Variants in THSD7B observed in about 807,000 individuals in gnomAD.
The protein encoded by THSD7B is thrombospondin type 1 domain containing 7B.
Under a neutral mutation model 213.6 loss-of-function variants are expected in THSD7B, and 138 were observed. The observed-to-expected ratio is 0.65, with a 90% CI of 0.56 to 0.74. The LOEUF (loss-of-function observed/expected upper bound fraction) is 0.74, where lower values mean the gene tolerates loss of function less well. THSD7B is among the 30% of genes least tolerant of loss of function. The pLI is 0.00. For missense variants in THSD7B, 1,931 were observed against 1,991.5 expected, an observed-to-expected ratio of 0.97 and a Z score of 0.58; for synonymous variants, 742 against 687.0, an observed-to-expected ratio of 1.08 and a Z score of -1.25.
At chr2:137,110,648 C>A (rs138487223) in intron 4 of THSD7B, among the ~76,000 whole-genome samples, 158 of 152,222 alleles carry the variant, frequency 1.0e-3, no homozygotes, top group African/African-American at 3.6e-3. Context: ...AAAAGACATT[C>A]TTTTTCAAAA....
At chr2:137,502,991 A>AT (rs1160466907) in intron 15 of THSD7B, among the ~76,000 whole-genome samples, 10 of 152,228 alleles carry the variant, frequency 6.6e-5, no homozygotes, top group Admixed American at 3.3e-4. Context: ...ATATTACATA[A>AT]TAACAGGCTG....
intron 2 of THSD7B, among the ~76,000 whole-genome samples, chr2:136,891,963 C>T (rs1282667065): frequency 1.3e-5 from 2 of 152,132 alleles, no homozygotes; most frequent in Non-Finnish European, 2.9e-5. Context: ...AGGGCTTCAT[C>T]ACTCACATAG....
At position 136,880,804 on chromosome 2, in the gene THSD7B, C is replaced by T. The variant is rs189386377; in HGVS notation, c.-35-1340C>T. Among the ~76,000 whole-genome samples the T allele has an allele frequency of 5.5e-4, 84 of 152,256 alleles. 1 individual carries two copies. The highest frequency in any genetic ancestry group is 4.7e-4 in the Non-Finnish European group (32 of 68,016). On this transcript the variant is annotated intron_variant, in intron 1 of 27. Coordinates refer to ENST00000409968, the MANE Select transcript of THSD7B (RefSeq NM_001316349.2). ...TACTGTTTCACTAATTTTCTAACTG[C>T]CCTCAATTTCTCTACCATTGTCTAC...
At position 137,090,820 on chromosome 2, in the gene THSD7B, A is replaced by G. The variant is rs961661953; in HGVS notation, c.951-4053A>G. On this transcript the variant is annotated intron_variant, in intron 3 of 27. Coordinates refer to ENST00000409968, the MANE Select transcript of THSD7B (RefSeq NM_001316349.2). The stretch of plus-strand genomic sequence containing the variant: ...TACACTAAAGGTTACTACAAATCTA[A>G]GGGGTGAGTAAATCACATTTTACTA... Among the ~76,000 whole-genome samples, 18 of 152,234 alleles carry G rather than the reference A, an allele frequency of 1.2e-4. 1 individual carries two copies. Among genetic ancestry groups the G allele is most frequent in the Admixed American group, 1.1e-3 (17 of 15,284 alleles).
chr2:137,429,352 A>T (rs981126290), intron 14 of THSD7B, among the ~76,000 whole-genome samples: 5 of 152,186 alleles, frequency 3.3e-5, no homozygotes, highest in African/African-American at 1.2e-4. Flanking sequence ...TCAATTTAAG[A>T]TCTAATTAGC....
chr2:137,316,514 G>T (rs941787427), intron 12 of THSD7B, among the ~76,000 whole-genome samples: 3 of 152,240 alleles, frequency 2.0e-5, no homozygotes, highest in African/African-American at 4.8e-5. Context: ...GGTGGCTCAC[G>T]CCTGTAATCC....
chr2:137,324,468 A>G (rs1419274099), intron 12 of THSD7B, among the ~76,000 whole-genome samples: 4 of 152,148 alleles, frequency 2.6e-5, no homozygotes, highest in African/African-American at 7.2e-5. Flanking sequence ...TGTGTGTTTT[A>G]TAATTCTTTC....
chr2:137,339,282 GC>G (rs59855414), intron 12 of THSD7B, among the ~76,000 whole-genome samples: 137,827 of 151,912 alleles, frequency 0.91, 63,295 homozygotes, highest in Non-Finnish European at 0.99. Flanking sequence ...AATCACTGGA[GC>G]CAGGTGTGTT....
intron 1 of THSD7B, among the ~76,000 whole-genome samples, chr2:136,864,822 G>C (rs1652437): frequency 0.53 from 81,328 of 152,106 alleles, 22,137 homozygotes; most frequent in Middle Eastern, 0.77. Context: ...AAAGTGTTGG[G>C]ATTACAGGCG....
chr2:137,323,741 AC>A lies in THSD7B; in HGVS notation c.2500+47716del, dbSNP rs1684311068. 2.6e-5 allele frequency among the ~76,000 whole-genome samples: 4 copies of A among 152,222 alleles called. No homozygotes were observed. In the South Asian group the frequency reaches 8.3e-4, roughly 32 times the overall value. ...AATTTGTCTATAAGCCAAACTGGCA[AC>A]AAAAAACTAGGGTGAACTGGTAATT... On this transcript the variant is annotated intron_variant, in intron 12 of 27. Coordinates refer to ENST00000409968, the MANE Select transcript of THSD7B (RefSeq NM_001316349.2).
chr2:137,414,891 A>G (rs1309124332), intron 14 of THSD7B, among the ~76,000 whole-genome samples: 3 of 151,872 alleles, frequency 2.0e-5, no homozygotes, highest in Non-Finnish European at 2.9e-5. Context: ...CCCCATCTCT[A>G]CTAAAAATAC....
intron 15 of THSD7B, among the ~76,000 whole-genome samples, chr2:137,501,837 G>A (rs1041751698): frequency 6.6e-6 from 1 of 152,204 alleles, no homozygotes; most frequent in Non-Finnish European, 1.5e-5. Flanking sequence ...GGTTAATTGT[G>A]AGGGTAGTTA....
At chr2:137,568,197 A>G (rs1409794761) in intron 16 of THSD7B, among the ~76,000 whole-genome samples, 1 of 152,068 alleles carries the variant, frequency 6.6e-6, no homozygotes, top group African/African-American at 2.4e-5. Context: ...AGAGGTAATA[A>G]TTGGGGAGGC....
intron 15 of THSD7B, among the ~76,000 whole-genome samples, chr2:137,545,129 T>G (rs1216792335): frequency 1.3e-5 from 2 of 151,746 alleles, no homozygotes; most frequent in Non-Finnish European, 2.9e-5. Flanking sequence ...ATGAAGAAAA[T>G]GAGACAGTTG....
At chr2:137,587,531 T>C (rs544184151) in intron 17 of THSD7B, among the ~76,000 whole-genome samples, 1 of 152,338 alleles carries the variant, frequency 6.6e-6, no homozygotes, top group East Asian at 1.9e-4. Context: ...ATGTCCTTTC[T>C]GTTTGTTAGT....
At chr2:137,611,077 C>T (rs959131637) in intron 17 of THSD7B, among the ~76,000 whole-genome samples, 6 of 150,696 alleles carry the variant, frequency 4.0e-5, no homozygotes, top group African/African-American at 1.2e-4. Context: ...GACAAGCAAA[C>T]CTTTATAATG....
chr2:137,128,906 T>C (rs1434817193), intron 5 of THSD7B, among the ~76,000 whole-genome samples: 2 of 152,186 alleles, frequency 1.3e-5, no homozygotes, highest in African/African-American at 4.8e-5. Flanking sequence ...TGAAAAGAAC[T>C]TTAAGTGTCC....
At chr2:137,011,915 G>T (rs904886881) in intron 2 of THSD7B, among the ~76,000 whole-genome samples, 1 of 151,916 alleles carries the variant, frequency 6.6e-6, no homozygotes, top group Non-Finnish European at 1.5e-5. Context: ...ATCTCTACTA[G>T]ATTATAAATT....
At chr2:137,616,464 T>C (rs1411410137) in intron 18 of THSD7B, 148 bp downstream of exon 18, 1 of 637,670 alleles carries the variant, frequency 1.6e-6, no homozygotes, top group Non-Finnish European at 2.6e-6. Context: ...ATGTTTCTAG[T>C]ATCCCCTCAC....
Sources: gnomAD v4.1 joint callset for allele counts (sites outside exome capture counted in the v4.1 genomes callset) on GRCh38, gnomAD v4.1.1 for gene constraint, MANE v1.5 for transcripts, NCBI Gene and HGNC (gene_info 2026-07-23, HGNC 2026-07-21) for gene names.